The following MGAT5 variants were observed in gnomAD, a reference collection of about 807,000 sequenced individuals.
MGAT5 encodes the protein alpha-1,6-mannosylglycoprotein 6-beta-N-acetylglucosaminyltransferase A.
Under a neutral mutation model 94.3 loss-of-function variants are expected in MGAT5, and 30 were observed. The ratio of observed to expected loss-of-function variants is 0.32; its 90% CI spans 0.24 to 0.43. The LOEUF (loss-of-function observed/expected upper bound fraction) is 0.43. Among genes scored for constraint, MGAT5 ranks in the 20% least tolerant of loss-of-function variants. The pLI, the probability that MGAT5 is intolerant of heterozygous loss-of-function variation, is 1.00. For synonymous variants in MGAT5, 310 were observed against 322.9 expected, an observed-to-expected ratio of 0.96 and a Z score of 0.43; for missense variants, 691 against 905.5, an observed-to-expected ratio of 0.76 and a Z score of 3.04.
chr2:134,308,714 C>G (rs1237505732), intron 2 of MGAT5, among the ~76,000 whole-genome samples: 1 of 152,168 alleles, frequency 6.6e-6, no homozygotes, highest in Non-Finnish European at 1.5e-5. Flanking sequence ...ACATACCACA[C>G]ATTTCACATA....
At chr2:134,214,172 A>G (rs1033059442) in intron 1 of MGAT5, among the ~76,000 whole-genome samples, 1 of 152,064 alleles carries the variant, frequency 6.6e-6, no homozygotes, top group African/African-American at 2.4e-5. Flanking sequence ...GTCTTTTGTT[A>G]TAATATTTGG....
At chr2:134,245,007 G>A (rs1278143036) in intron 1 of MGAT5, among the ~76,000 whole-genome samples, 1 of 152,124 alleles carries the variant, frequency 6.6e-6, no homozygotes, top group Non-Finnish European at 1.5e-5. Flanking sequence ...TTTAGTAGTT[G>A]TTTTCAGAAT....
intron 1 of MGAT5, among the ~76,000 whole-genome samples, chr2:134,243,963 G>C (rs947309093): frequency 6.6e-6 from 1 of 152,124 alleles, no homozygotes; most frequent in East Asian, 1.9e-4. Flanking sequence ...GGTGATTTTT[G>C]TGATTGTGAT....
At chr2:134,209,008 C>A (rs1399932701) in intron 1 of MGAT5, among the ~76,000 whole-genome samples, 2 of 152,112 alleles carry the variant, frequency 1.3e-5, no homozygotes, top group African/African-American at 4.8e-5. Context: ...ATGAAGGAGG[C>A]CTTGTGCATG....
chr2:134,149,898 G>C (rs1312605454), intron 1 of MGAT5, among the ~76,000 whole-genome samples: 1 of 152,224 alleles, frequency 6.6e-6, no homozygotes, highest in African/African-American at 2.4e-5. Flanking sequence ...CCCAGAAGGA[G>C]CTATAGTCAA....
intron 12 of MGAT5, among the ~76,000 whole-genome samples, chr2:134,413,955 T>C (rs1683815921): frequency 6.6e-6 from 1 of 152,268 alleles, no homozygotes; most frequent in African/African-American, 2.4e-5. Flanking sequence ...TTTCAATGGT[T>C]ATTTTTTATT....
intron 4 of MGAT5, among the ~76,000 whole-genome samples, chr2:134,321,729 T>C (rs536156594): frequency 6.6e-6 from 1 of 152,334 alleles, no homozygotes; most frequent in South Asian, 2.1e-4. Flanking sequence ...GGCTGAATTC[T>C]GTTCAGTGAG....
At position 134,454,319 on chromosome 2, in the gene MGAT5, C is replaced by G. The variant is rs1233477157; in HGVS notation, c.*5472C>G. 2 of 152,228 alleles carry G rather than the reference C, an allele frequency of 1.3e-5. No individual in the cohort carries two copies. The highest frequency in any genetic ancestry group is 6.5e-5 in the Admixed American group (1 of 15,284). 9.4% of individuals were successfully genotyped at this position (152,228 alleles called of 1,614,324 possible). A position where few individuals can be genotyped will look rare whatever the true frequency, so the allele number is the denominator to read the frequency against. On this transcript the variant is annotated 3_prime_UTR_variant, in exon 16 of 16. Coordinates refer to ENST00000281923, the MANE Select transcript of MGAT5 (RefSeq NM_002410.5). ...CTTGGGAAGCATTTTGCTCATTGTCCTACCCAAGTATTAATAGCATAATAG... is the reference window on the plus strand; with the variant it reads ...CTTGGGAAGCATTTTGCTCATTGTCGTACCCAAGTATTAATAGCATAATAG...
chr2:134,384,387 G>A (rs928919620), intron 10 of MGAT5, among the ~76,000 whole-genome samples: 7 of 152,096 alleles, frequency 4.6e-5, no homozygotes, highest in African/African-American at 1.7e-4. Flanking sequence ...GAAAGTAAAT[G>A]TGTTGAATGT....
intron 1 of MGAT5, 98 bp from the exon 2 acceptor site, chr2:134,270,288 C>A: frequency 8.3e-7 from 1 of 1,206,274 alleles, no homozygotes; most frequent in Non-Finnish European, 1.2e-6. Flanking sequence ...ACTTCAGAAA[C>A]ATTTGAGAAG....
At position 134,268,230 on chromosome 2, in the gene MGAT5, A is replaced by G. The variant is rs567645439; in HGVS notation, c.242-2156A>G. On this transcript the variant is annotated intron_variant, in intron 1 of 15. Coordinates refer to ENST00000281923, the MANE Select transcript of MGAT5 (RefSeq NM_002410.5). The surrounding 1 kb of genome is among the most constrained non-coding windows in gnomAD (Gnocchi z 4.1). ...CCAGGGCTTCTGTGCTTGGCCAACT[A>G]CAATTACCGGTGATAGTTAAATGCT... 1.2e-4 allele frequency among the ~76,000 whole-genome samples: 18 copies of G among 152,350 alleles called. No homozygotes were observed. The highest frequency in any genetic ancestry group is 4.1e-4 in the African/African-American group (17 of 41,596).
chr2:134,298,405 G>A (rs1685818555), intron 2 of MGAT5, among the ~76,000 whole-genome samples: 1 of 152,072 alleles, frequency 6.6e-6, no homozygotes, highest in African/African-American at 2.4e-5. Flanking sequence ...GCCTATCTCT[G>A]TATTATTTAT....
intron 2 of MGAT5, among the ~76,000 whole-genome samples, chr2:134,297,389 T>C (rs754877100): frequency 9.2e-5 from 14 of 152,106 alleles, no homozygotes; most frequent in Non-Finnish European, 1.9e-4. Flanking sequence ...GGGAATACCT[T>C]GCAATTCATT....
intron 1 of MGAT5, among the ~76,000 whole-genome samples, chr2:134,140,860 G>A (rs1253095893): frequency 3.3e-5 from 5 of 152,218 alleles, no homozygotes; most frequent in African/African-American, 2.4e-5. Context: ...CCCAGGTTTC[G>A]TAGCTAACAA....
At chr2:134,439,560 G>A (rs1294196133) in intron 14 of MGAT5, among the ~76,000 whole-genome samples, 1 of 152,110 alleles carries the variant, frequency 6.6e-6, no homozygotes, top group Non-Finnish European at 1.5e-5. Flanking sequence ...AGCTGGGTGT[G>A]GGGGTGCACA....
intron 1 of MGAT5, among the ~76,000 whole-genome samples, chr2:134,156,294 G>A (rs1230509832): frequency 6.6e-6 from 1 of 152,222 alleles, no homozygotes; most frequent in Non-Finnish European, 1.5e-5. Context: ...GGATCATGGA[G>A]TGCCAAAAAG....
intron 2 of MGAT5, among the ~76,000 whole-genome samples, chr2:134,287,098 T>G (rs985057286): frequency 6.6e-6 from 1 of 152,238 alleles, no homozygotes; most frequent in African/African-American, 2.4e-5. Flanking sequence ...CTGGGTGGAT[T>G]GTGCACATTG....
chr2:134,357,216 G>A (rs80199729), intron 9 of MGAT5, among the ~76,000 whole-genome samples: 4,888 of 152,218 alleles, frequency 0.032, 276 homozygotes, highest in African/African-American at 0.11. Flanking sequence ...ACAAATTTAA[G>A]ATTGTAGAAA....
intron 1 of MGAT5, among the ~76,000 whole-genome samples, chr2:134,147,026 AC>A (rs374330524): frequency 6.6e-6 from 1 of 152,056 alleles, no homozygotes; most frequent in Non-Finnish European, 1.5e-5. Context: ...TTAAAAAAAA[AC>A]CCTTTTAATT....
Sources: gnomAD v4.1 joint callset for allele counts (sites outside exome capture counted in the v4.1 genomes callset) on GRCh38, gnomAD v4.1.1 for gene constraint, Gnocchi (gnomAD v3.1) non-coding constraint, MANE v1.5 for transcripts, NCBI Gene and HGNC (gene_info 2026-07-23, HGNC 2026-07-21) for gene names.